Variants in ZFYVE1 observed in about 807,000 individuals in gnomAD.
ZFYVE1 encodes the protein zinc finger FYVE-type containing 1.
In ZFYVE1, 30 loss-of-function variants were observed where a neutral mutation model predicts 74.4. That is an observed-to-expected ratio of 0.40 (90% CI 0.30 to 0.55). The LOEUF (loss-of-function observed/expected upper bound fraction) is 0.55. ZFYVE1 is among the 20% of genes least tolerant of loss of function. The pLI, the probability that ZFYVE1 is intolerant of heterozygous loss-of-function variation, is 0.42. For synonymous variants in ZFYVE1, 335 were observed against 385.1 expected, an observed-to-expected ratio of 0.87 and a Z score of 1.52; for missense variants, 703 against 1,011.6, an observed-to-expected ratio of 0.69 and a Z score of 4.14.
At chr14:73,008,691 T>C (rs532417029) in intron 2 of ZFYVE1, among the ~76,000 whole-genome samples, 1 of 152,262 alleles carries the variant, frequency 6.6e-6, no homozygotes, top group South Asian at 2.1e-4. Flanking sequence ...GAGGAGCTTC[T>C]GGATGGGAGA....
chr14:72,973,154 T>G (rs750300378), intron 11 of ZFYVE1, among the ~76,000 whole-genome samples: 1 of 152,036 alleles, frequency 6.6e-6, no homozygotes, highest in Non-Finnish European at 1.5e-5. Context: ...CTCCAGGAGA[T>G]GACAGCAGAA....
intron 2 of ZFYVE1, among the ~76,000 whole-genome samples, chr14:73,000,319 C>T (rs750916691): frequency 5.3e-5 from 8 of 152,158 alleles, no homozygotes; most frequent in Admixed American, 1.3e-4. Flanking sequence ...AGACAACAAA[C>T]GGCTGGGAGC....
At chr14:72,972,797 T>A (rs28684628) in intron 11 of ZFYVE1, among the ~76,000 whole-genome samples, 60,477 of 149,960 alleles carry the variant, frequency 0.4, 12,443 homozygotes, top group Middle Eastern at 0.51. Flanking sequence ...AAGCTCCACC[T>A]CCCGGGTTCA....
intron 3 of ZFYVE1, among the ~76,000 whole-genome samples, chr14:72,997,098 A>G (rs967209862): frequency 6.6e-6 from 1 of 152,010 alleles, no homozygotes; most frequent in East Asian, 1.9e-4. Flanking sequence ...TTTCTTTCCC[A>G]TTGTTATGGA....
In ZFYVE1 at chr14:72,975,103, C is replaced by T. The variant is rs778587016; in HGVS notation, c.1807-144G>A. 3.6e-5 allele frequency: 30 copies of T among 837,196 alleles called. 1 individual carries two copies. In the Admixed American group the frequency reaches 6.2e-4, roughly 17 times the overall value. 51.9% of individuals were successfully genotyped at this position (837,196 alleles called of 1,614,324 possible). On this transcript the variant is annotated intron_variant, in intron 9 of 11. Transcript: ENST00000556143. This position sits in a 1 kb window ranked among gnomAD's most constrained non-coding sequence, Gnocchi z 4.1. ...CAAGGACAAGAGCTTTCTAGTAACG[C>T]GTTATCTGAGAATGGAAAGGAAGCC...
chr14:73,021,162 T>C (rs1343929176), intron 2 of ZFYVE1, among the ~76,000 whole-genome samples: 4 of 152,006 alleles, frequency 2.6e-5, no homozygotes, highest in Non-Finnish European at 4.4e-5. Flanking sequence ...CTGACCAACA[T>C]AGAGAAACCC....
In ZFYVE1 at chr14:72,970,426, C is replaced by T. The variant is rs1594825105; in HGVS notation, c.*456G>A. On this transcript the variant is annotated 3_prime_UTR_variant, in exon 12 of 12. Transcript: ENST00000556143. ...CCAAGGACAGGAGAGGCTTCCAAGG[C>T]TCCAAGAGCAGCAGAGGAAGGGGCC... is the stretch of plus-strand genomic sequence containing the variant. 1 of 181,638 alleles carries T rather than the reference C, an allele frequency of 5.5e-6. No individual in the cohort carries two copies. Among genetic ancestry groups the T allele is most frequent in the East Asian group, 1.4e-4 (1 of 7,168 alleles). The allele number at this position is 181,638 out of a possible 1,614,324, so 11.3% of individuals were successfully genotyped here. A position where few individuals can be genotyped will look rare whatever the true frequency, so the allele number is the denominator to read the frequency against.
rs144506665 is a variant in ZFYVE1 at position 73,013,710 on chromosome 14, C to T, written c.483+10316G>A. ...AAGCTCCTCTGCGTCTCTTTCCATACGTCTTTCCAACTCCCCTTGCCTGAA... is the reference window on the plus strand; with the variant it reads ...AAGCTCCTCTGCGTCTCTTTCCATATGTCTTTCCAACTCCCCTTGCCTGAA... On this transcript the variant is annotated intron_variant, in intron 2 of 11. Coordinates refer to ENST00000556143, the MANE Select transcript of ZFYVE1 (RefSeq NM_021260.4). Among the ~76,000 whole-genome samples the T allele has an allele frequency of 2.6e-5, 4 of 152,288 alleles. No homozygotes were observed. The East Asian group carries it at 7.7e-4, about 29-fold the overall frequency.
At chr14:72,977,604 G>A (rs150895543) in intron 8 of ZFYVE1, among the ~76,000 whole-genome samples, 1 of 152,194 alleles carries the variant, frequency 6.6e-6, no homozygotes, top group East Asian at 1.9e-4. Flanking sequence ...AAAAAGGCAT[G>A]TAAATATTTG....
intron 2 of ZFYVE1, among the ~76,000 whole-genome samples, chr14:73,018,683 C>T (rs2140388334): frequency 6.6e-6 from 1 of 152,230 alleles, no homozygotes; most frequent in African/African-American, 2.4e-5. Context: ...GTGGCTCATG[C>T]CTGTAATCCC....
intron 2 of ZFYVE1, among the ~76,000 whole-genome samples, chr14:73,001,118 C>T (rs1184532989): frequency 6.6e-6 from 1 of 152,208 alleles, no homozygotes; most frequent in Non-Finnish European, 1.5e-5. Flanking sequence ...ACTGCATATT[C>T]CTGCTGTTGC....
chr14:73,009,204 T>C (rs912552971), intron 2 of ZFYVE1, among the ~76,000 whole-genome samples: 5 of 152,232 alleles, frequency 3.3e-5, no homozygotes, highest in African/African-American at 9.6e-5. Context: ...CACTCTATCA[T>C]CCACTGACTT....
rs79889119 is a variant in ZFYVE1 at position 72,975,039 on chromosome 14, C to T, written c.1807-80G>A. 8,194 of 1,467,152 alleles carry T rather than the reference C, an allele frequency of 5.6e-3. 307 individuals carry two copies. In the African/African-American group the frequency reaches 0.093, roughly 17 times the overall value. The allele number at this position is 1,467,152 out of a possible 1,614,324, so 90.9% of individuals were successfully genotyped here. A position where few individuals can be genotyped will look rare whatever the true frequency, so the allele number is the denominator to read the frequency against. The stretch of plus-strand genomic sequence containing the variant: ...TCAGCTGAGAAAGTCAACAAGACCC[C>T]GGAGCAAGCAGAAACTAAGGCAGGT... On this transcript the variant is annotated intron_variant, in intron 9 of 11. Transcript: ENST00000556143. This position sits in a 1 kb window ranked among gnomAD's most constrained non-coding sequence, Gnocchi z 4.1.
rs1894222931 is a variant in ZFYVE1, at chr14:73,017,373, C to G, written c.483+6653G>C. Among the ~76,000 whole-genome samples, 5 of 152,292 alleles carry G rather than the reference C, an allele frequency of 3.3e-5. No individual in the cohort carries two copies. In the South Asian group the frequency reaches 1.0e-3, roughly 32 times the overall value. The stretch of plus-strand genomic sequence containing the variant: ...TCTATGCACTATCCAGCAGCATGCT[C>G]CCCCAAAAGCTCAGTTGTGACAACC... On this transcript the variant is annotated intron_variant, in intron 2 of 11. Coordinates refer to ENST00000556143, the MANE Select transcript of ZFYVE1 (RefSeq NM_021260.4).
intron 2 of ZFYVE1, among the ~76,000 whole-genome samples, chr14:73,016,249 C>A (rs1189255158): frequency 6.6e-6 from 1 of 152,218 alleles, no homozygotes; most frequent in African/African-American, 2.4e-5. Context: ...ACGGTGTTCA[C>A]GCCTGTAATC....
At chr14:72,996,574 T>A (rs1040296088) in intron 3 of ZFYVE1, among the ~76,000 whole-genome samples, 6 of 152,180 alleles carry the variant, frequency 3.9e-5, no homozygotes, top group Non-Finnish European at 8.8e-5. Context: ...TGCAGTTCTC[T>A]GAACGCAATT....
At chr14:72,987,618 C>T (rs1893512947) in intron 4 of ZFYVE1, among the ~76,000 whole-genome samples, 1 of 152,190 alleles carries the variant, frequency 6.6e-6, no homozygotes, top group African/African-American at 2.4e-5. Context: ...AAATGGTTCT[C>T]CCAACTATTC....
chr14:72,980,861 TTTA>T (rs1893312713), intron 5 of ZFYVE1, among the ~76,000 whole-genome samples: 1 of 152,266 alleles, frequency 6.6e-6, no homozygotes, highest in African/African-American at 2.4e-5. Flanking sequence ...CGGCCGAGAA[TTTA>T]TTAAATTTAT....
chr14:73,023,423 T>C (rs1894386157), intron 2 of ZFYVE1, among the ~76,000 whole-genome samples: 1 of 135,350 alleles, frequency 7.4e-6, no homozygotes, highest in Non-Finnish European at 1.6e-5. Context: ...TTTTATGTTT[T>C]ATATATATTA....
Sources: allele counts gnomAD v4.1 joint callset (sites outside exome capture counted in the v4.1 genomes callset), GRCh38; gene constraint gnomAD v4.1.1; non-coding constraint Gnocchi (gnomAD v3.1); transcripts MANE v1.5; gene names NCBI Gene and HGNC (gene_info 2026-07-23, HGNC 2026-07-21).